The following ADAMTS6 variants were observed in gnomAD, a reference collection of about 807,000 sequenced individuals.
ADAMTS6 encodes the protein ADAM metallopeptidase with thrombospondin type 1 motif 6, also known as A disintegrin and metalloproteinase with thrombospondin motifs 6.
ADAMTS6 carries 23 observed loss-of-function variants against 144.3 expected under a neutral mutation model. The observed-to-expected ratio is 0.16, with a 90% CI of 0.11 to 0.23. The LOEUF (loss-of-function observed/expected upper bound fraction) is 0.23. Ranked by LOEUF, ADAMTS6 falls within the 10% of genes least tolerant of loss-of-function variation. The probability of loss-of-function intolerance (pLI) is 1.00; values close to 1 mark genes in which losing one functional copy is unlikely to be tolerated. For missense variants in ADAMTS6, 999 were observed against 1,379.6 expected, an observed-to-expected ratio of 0.72 and a Z score of 4.37; for synonymous variants, 444 against 457.5, an observed-to-expected ratio of 0.97 and a Z score of 0.38.
At chr5:65,338,497 A>G (rs1473270043) in intron 7 of ADAMTS6, among the ~76,000 whole-genome samples, 1 of 152,246 alleles carries the variant, frequency 6.6e-6, no homozygotes, top group African/African-American at 2.4e-5. Flanking sequence ...ACCAAAACAC[A>G]TGATTAAGTT....
At chr5:65,203,977 C>T (rs924802708) in intron 20 of ADAMTS6, among the ~76,000 whole-genome samples, 3 of 152,096 alleles carry the variant, frequency 2.0e-5, no homozygotes, top group Non-Finnish European at 1.5e-5. Flanking sequence ...GTATCCAAAC[C>T]CTGCTCGTGT....
At chr5:65,161,666 A>G (rs1329964046) in intron 24 of ADAMTS6, among the ~76,000 whole-genome samples, 1 of 152,336 alleles carries the variant, frequency 6.6e-6, no homozygotes, top group East Asian at 1.9e-4. Flanking sequence ...ATATATTTAA[A>G]TTTTCCATAA....
chr5:65,260,277 A>AATAAGATTAATTCTGTGGAGTC (rs144147351), intron 14 of ADAMTS6, among the ~76,000 whole-genome samples: 2,058 of 152,170 alleles, frequency 0.014, 39 homozygotes, highest in African/African-American at 0.046. Context: ...TAAAGGGCAT[A>AATAAGATTAATTCTGTGGAGTC]ATAAGATTAA....
intron 3 of ADAMTS6, 51 bp from the exon 4 acceptor site, chr5:65,460,389 T>A: frequency 6.8e-7 from 1 of 1,478,226 alleles, no homozygotes; most frequent in Non-Finnish European, 9.1e-7. Context: ...TTTTAAATAT[T>A]AGTTATCATT....
intron 7 of ADAMTS6, among the ~76,000 whole-genome samples, chr5:65,357,743 T>C (rs1237257485): frequency 6.6e-6 from 1 of 151,612 alleles, no homozygotes; most frequent in Admixed American, 6.6e-5. Context: ...GCTAAAAAAA[T>C]GGACAAATTC....
At chr5:65,458,434 T>TG (rs1223115355) in intron 4 of ADAMTS6, among the ~76,000 whole-genome samples, 1 of 152,194 alleles carries the variant, frequency 6.6e-6, no homozygotes, top group Non-Finnish European at 1.5e-5. Flanking sequence ...GTTTTTGAGA[T>TG]GGAGTCTCAC....
intron 8 of ADAMTS6, among the ~76,000 whole-genome samples, chr5:65,333,736 C>T (rs953635395): frequency 5.3e-5 from 8 of 150,872 alleles, no homozygotes; most frequent in Non-Finnish European, 1.2e-4. Context: ...GAGTGATAAC[C>T]TCGATTTATA....
Position 65,406,653 on chromosome 5 carries a change from TGG to T in ADAMTS6, c.1073+44820_1073+44821del, listed in dbSNP as rs565037227. 1.4e-3 allele frequency among the ~76,000 whole-genome samples: 212 copies of T among 152,274 alleles called. 1 individual carries two copies. The highest frequency in any genetic ancestry group is 4.8e-3 in the African/African-American group (199 of 41,570). On this transcript the variant is annotated intron_variant, in intron 7 of 24. Coordinates refer to ENST00000381055, the MANE Select transcript of ADAMTS6 (RefSeq NM_197941.4). ...CCAGGCTTTGGTATCACGATGATAC[TGG>T]CCTCATAAAATGAGTTGGGAGGATT...
intron 7 of ADAMTS6, among the ~76,000 whole-genome samples, chr5:65,411,663 T>C (rs532922383): frequency 6.6e-6 from 1 of 152,310 alleles, no homozygotes; most frequent in South Asian, 2.1e-4. Flanking sequence ...ATGCTGCATC[T>C]TCTTGCTGAT....
intron 24 of ADAMTS6, among the ~76,000 whole-genome samples, chr5:65,162,558 C>T (rs969156960): frequency 6.6e-6 from 1 of 151,778 alleles, no homozygotes; most frequent in African/African-American, 2.4e-5. Flanking sequence ...TCCCCTGTGC[C>T]TCACTTTCTT....
intron 7 of ADAMTS6, among the ~76,000 whole-genome samples, chr5:65,401,683 T>C (rs921069074): frequency 3.3e-5 from 5 of 152,198 alleles, no homozygotes; most frequent in Non-Finnish European, 7.4e-5. Flanking sequence ...CTCTGATATG[T>C]TGTGATTCTC....
chr5:65,286,300 C>T (rs1463924419), intron 11 of ADAMTS6, among the ~76,000 whole-genome samples: 1 of 152,070 alleles, frequency 6.6e-6, no homozygotes, highest in Admixed American at 6.6e-5. Context: ...TTATGGTGAA[C>T]AGATTTTTTT....
chr5:65,376,847 A>G (rs74902998), intron 7 of ADAMTS6, among the ~76,000 whole-genome samples: 6 of 152,010 alleles, frequency 3.9e-5, no homozygotes, highest in African/African-American at 1.5e-4. Flanking sequence ...AAAATTAAAA[A>G]GCTAAAAAAA....
Position 65,149,975 on chromosome 5 carries a change from ACAAGATACAGATGGT to A in ADAMTS6, c.*1846_*1860del, listed in dbSNP as rs1161414370. On this transcript the variant is annotated 3_prime_UTR_variant, in exon 25 of 25. Transcript: ENST00000381055. Reference sequence around the variant, plus strand: ...GTGGTGTTGAGAGAGAAAGCAGGTAACAAGATACAGATGGTCATGACTGAGAGTGCAGAAAACATT... The same window carrying A: ...GTGGTGTTGAGAGAGAAAGCAGGTAACATGACTGAGAGTGCAGAAAACATT... The A allele has an allele frequency of 6.6e-6, 1 of 152,402 alleles. No individual in the cohort carries two copies. The highest frequency in any genetic ancestry group is 1.5e-5 in the Non-Finnish European group (1 of 68,048). 9.4% of individuals were successfully genotyped at this position (152,402 alleles called of 1,614,324 possible).
At chr5:65,307,004 TA>T (rs1406161462) in intron 9 of ADAMTS6, among the ~76,000 whole-genome samples, 1 of 152,234 alleles carries the variant, frequency 6.6e-6, no homozygotes, top group African/African-American at 2.4e-5. Context: ...ATCTTTTGAT[TA>T]AACTCTTCAT....
intron 20 of ADAMTS6, among the ~76,000 whole-genome samples, chr5:65,209,215 C>A (rs1430684808): frequency 6.6e-6 from 1 of 152,196 alleles, no homozygotes; most frequent in Non-Finnish European, 1.5e-5. Flanking sequence ...AACAATACAA[C>A]TTTCCCTACC....
chr5:65,393,020 G>C (rs1000891434), intron 7 of ADAMTS6, among the ~76,000 whole-genome samples: 2 of 152,104 alleles, frequency 1.3e-5, no homozygotes, highest in Non-Finnish European at 2.9e-5. Context: ...GTTAAAAACT[G>C]ATTTTCAAAA....
At chr5:65,398,468 T>A (rs1351024321) in intron 7 of ADAMTS6, among the ~76,000 whole-genome samples, 1 of 152,200 alleles carries the variant, frequency 6.6e-6, no homozygotes, top group Non-Finnish European at 1.5e-5. Context: ...CTCACGCCTG[T>A]AATCCCAACA....
chr5:65,386,861 A>T (rs1379994797), intron 7 of ADAMTS6, among the ~76,000 whole-genome samples: 2 of 152,230 alleles, frequency 1.3e-5, no homozygotes, highest in Non-Finnish European at 2.9e-5. Context: ...TCCTGGGAAT[A>T]CAGGCATGAG....
Sources: gnomAD v4.1 joint callset for allele counts (sites outside exome capture counted in the v4.1 genomes callset) on GRCh38, gnomAD v4.1.1 for gene constraint, MANE v1.5 for transcripts, NCBI Gene and HGNC (gene_info 2026-07-23, HGNC 2026-07-21) for gene names.